Variants in MTA3 observed in about 807,000 individuals in gnomAD.
MTA3 encodes the protein metastasis associated 1 family member 3.
Under a neutral mutation model 83.5 loss-of-function variants are expected in MTA3, and 34 were observed. The observed-to-expected ratio is 0.41, with a 90% confidence interval of 0.31 to 0.54. MTA3 has a LOEUF of 0.54. Among genes scored for constraint, MTA3 ranks in the 20% least tolerant of loss-of-function variants. The pLI is 0.33. For missense variants in MTA3, 761 were observed against 726.4 expected (o/e 1.05, Z -0.55); for synonymous variants, 303 against 252.7 (o/e 1.20, Z -1.89).
chr2:42,705,171 G>A (rs1414351026), intron 12 of MTA3, among the ~76,000 whole-genome samples: 2 of 152,202 alleles, frequency 1.3e-5, no homozygotes, highest in African/African-American at 2.4e-5. Flanking sequence ...AGGAAGGTGT[G>A]AGCCAAGTTG....
chr2:42,558,469 T>G (rs1392226497), intron 2 of MTA3, among the ~76,000 whole-genome samples: 1 of 151,896 alleles, frequency 6.6e-6, no homozygotes, highest in African/African-American at 2.4e-5. Flanking sequence ...AGGCTGGTCT[T>G]GAACTCCCGA....
Position 42,755,243 on chromosome 2 carries a change from C to T in MTA3, c.*1844C>T, listed in dbSNP as rs1343065948. 1.0e-6 allele frequency: 1 copy of T among 985,336 alleles called. No homozygotes were observed. The highest frequency in any genetic ancestry group is 1.2e-6 in the Non-Finnish European group (1 of 829,966). The allele number at this position is 985,336 out of a possible 1,614,324, so 61.0% of individuals were successfully genotyped here. ...TTGGACCCAGAAGGGGAAATGATTC[C>T]CTCACCCTTTCACTTTCTCTCTGAA... On this transcript the variant is annotated 3_prime_UTR_variant, in exon 17 of 17. Coordinates refer to ENST00000405094, the MANE Select transcript of MTA3 (RefSeq NM_001330442.2).
intron 16 of MTA3, among the ~76,000 whole-genome samples, chr2:42,724,666 C>T (rs1667692333): frequency 6.6e-6 from 1 of 151,838 alleles, no homozygotes; most frequent in African/African-American, 2.4e-5. Context: ...ACGACTGTTA[C>T]TGTGACTGAT....
chr2:42,751,805 A>C (rs150400097), intron 16 of MTA3, among the ~76,000 whole-genome samples: 2 of 152,184 alleles, frequency 1.3e-5, no homozygotes, highest in Non-Finnish European at 2.9e-5. Flanking sequence ...AGACAGATGA[A>C]TGACAGAGCT....
intron 4 of MTA3, among the ~76,000 whole-genome samples, chr2:42,612,574 A>T (rs956722293): frequency 5.3e-5 from 8 of 151,552 alleles, no homozygotes; most frequent in Admixed American, 4.6e-4. Context: ...TTAAGAAGTT[A>T]TGTGGGGCTG....
In MTA3 at chr2:42,666,129, T is replaced by G. The variant is rs367971353; in HGVS notation, c.702+6267T>G. 2.6e-5 allele frequency among the ~76,000 whole-genome samples: 4 copies of G among 152,048 alleles called. No individual in the cohort carries two copies. The East Asian group carries it at 5.8e-4, about 22-fold the overall frequency. Reference sequence around the variant, plus strand: ...CGTCTCTACTAAAAATACAAAAAATTAGCTGGGTGTGGTGGCACGCACCTG... The same window carrying G: ...CGTCTCTACTAAAAATACAAAAAATGAGCTGGGTGTGGTGGCACGCACCTG... On this transcript the variant is annotated intron_variant, in intron 8 of 16. Transcript: ENST00000405094.
intron 8 of MTA3, among the ~76,000 whole-genome samples, chr2:42,665,833 G>T (rs549869119): frequency 6.6e-6 from 1 of 152,312 alleles, no homozygotes; most frequent in Admixed American, 6.5e-5. Flanking sequence ...TATAAGGACT[G>T]ACATTTAATT....
intron 2 of MTA3, among the ~76,000 whole-genome samples, chr2:42,517,220 A>T (rs769460314): frequency 1.3e-5 from 2 of 151,838 alleles, no homozygotes; most frequent in African/African-American, 4.8e-5. Flanking sequence ...ACATCATGCC[A>T]CTGCACTCCA....
At position 42,682,565 on chromosome 2, in the gene MTA3, C is replaced by G. The variant is rs1692024020; in HGVS notation, c.867C>G (p.Asp289Glu). ...FEEALEKYGK[D>E]FNDIRQDFLP... Reference sequence around the variant, plus strand: ...AGGCACTGGAAAAATATGGCAAAGACTTCAATGACATACGGCAAGATTTTG... The same window carrying G: ...AGGCACTGGAAAAATATGGCAAAGAGTTCAATGACATACGGCAAGATTTTG... Residue 289 changes from aspartate (D) to glutamate (E), a missense_variant, in exon 9 of 17, where the codon GAC becomes GAG. Coordinates refer to ENST00000405094, the MANE Select transcript of MTA3 (RefSeq NM_001330442.2). 1.9e-6 allele frequency: 3 copies of G among 1,611,752 alleles called. No individual in the cohort carries two copies. The highest frequency in any genetic ancestry group is 4.5e-5 in the East Asian group (2 of 44,830).
intron 8 of MTA3, among the ~76,000 whole-genome samples, chr2:42,663,596 A>G (rs192577292): frequency 7.8e-4 from 119 of 152,228 alleles, no homozygotes; most frequent in Non-Finnish European, 1.5e-3. Context: ...CTCTGTCTCT[A>G]CAAAACAAAA....
At chr2:42,611,341 C>CACACACACACA (rs1462110821) in intron 4 of MTA3, among the ~76,000 whole-genome samples, 2,067 of 149,444 alleles carry the variant, frequency 0.014, 23 homozygotes, top group East Asian at 0.029. Flanking sequence ...ACACACACAC[C>CACACACACACA]CCCTCACACA....
At chr2:42,583,966 CCT>C (rs1288123110) in intron 3 of MTA3, among the ~76,000 whole-genome samples, 1 of 151,784 alleles carries the variant, frequency 6.6e-6, no homozygotes, top group Non-Finnish European at 1.5e-5. Context: ...GTCTCAGCCC[CCT>C]GAGTAGTTGG....
At position 42,534,696 on chromosome 2, in the gene MTA3, A is replaced by G. The variant is rs533286250; in HGVS notation, c.-140-35741A>G. 2.7e-4 allele frequency among the ~76,000 whole-genome samples: 41 copies of G among 152,368 alleles called. 1 individual carries two copies. Among genetic ancestry groups the G allele is most frequent in the East Asian group, 2.1e-3 (11 of 5,192 alleles). ...CTTTATTTCTCTCCTAAGGAAAAAAATAGTTTTGAGGGAAATAAACTTCTG... is the reference window on the plus strand; with the variant it reads ...CTTTATTTCTCTCCTAAGGAAAAAAGTAGTTTTGAGGGAAATAAACTTCTG... On this transcript the variant is annotated intron_variant, in intron 2 of 17. Transcript: ENST00000405592.
chr2:42,637,243 A>G (rs1441699525), intron 4 of MTA3, among the ~76,000 whole-genome samples: 1 of 152,190 alleles, frequency 6.6e-6, no homozygotes, highest in Non-Finnish European at 1.5e-5. Flanking sequence ...TGTGTAGAAA[A>G]GTAGTACGAG....
intron 8 of MTA3, among the ~76,000 whole-genome samples, chr2:42,672,508 A>G (rs1690903872): frequency 6.6e-6 from 1 of 151,328 alleles, no homozygotes; most frequent in Non-Finnish European, 1.5e-5. Context: ...AGCTGAGTGT[A>G]GTGGTGGGCG....
chr2:42,516,250 C>G (rs1675140527), intron 2 of MTA3, among the ~76,000 whole-genome samples: 1 of 152,104 alleles, frequency 6.6e-6, no homozygotes, highest in Admixed American at 6.6e-5. Flanking sequence ...TGTAAAAGCT[C>G]AGTCAATATT....
chr2:42,709,310 T>G lies in MTA3; in HGVS notation c.1525+214T>G. ...AAAAATCAAAACATTGAAACTTCTG[T>G]ACTCTTTACCAGAGAGTAGTGCTTA... On this transcript the variant is annotated intron_variant, in intron 14 of 16. Transcript: ENST00000405094. The G allele has an allele frequency of 7.2e-6, 10 of 1,388,288 alleles. No homozygotes were observed. In the South Asian group the frequency reaches 7.8e-5, roughly 11 times the overall value. The allele number at this position is 1,388,288 out of a possible 1,614,324, so 86.0% of individuals were successfully genotyped here. A position where few individuals can be genotyped will look rare whatever the true frequency, so the allele number is the denominator to read the frequency against.
At chr2:42,549,608 AAT>A (rs1491356366) in intron 2 of MTA3, among the ~76,000 whole-genome samples, 2 of 120,706 alleles carry the variant, frequency 1.7e-5, no homozygotes, top group Non-Finnish European at 3.2e-5. Context: ...ATACATATAT[AAT>A]ATATAATATA....
chr2:42,733,620 C>G (rs1371042187), intron 16 of MTA3, among the ~76,000 whole-genome samples: 1 of 152,210 alleles, frequency 6.6e-6, no homozygotes, highest in African/African-American at 2.4e-5. Flanking sequence ...CATCGACCCA[C>G]TGGTCATTCA....
Sources: allele counts gnomAD v4.1 joint callset (sites outside exome capture counted in the v4.1 genomes callset), GRCh38; gene constraint gnomAD v4.1.1; transcripts MANE v1.5; gene names NCBI Gene and HGNC (gene_info 2026-07-23, HGNC 2026-07-21).